Variants in CEACAM6 observed in about 807,000 individuals in gnomAD.
The protein encoded by CEACAM6 is cell adhesion molecule CEACAM6.
CEACAM6 carries 21 observed loss-of-function variants against 32.4 expected under a neutral mutation model. The ratio of observed to expected loss-of-function variants is 0.65; its 90% CI spans 0.46 to 0.93. The LOEUF (loss-of-function observed/expected upper bound fraction) is 0.93, where lower values mean the gene tolerates loss of function less well. CEACAM6 is among the 40% of genes least tolerant of loss of function. CEACAM6 has a pLI of 0.00. For synonymous variants in CEACAM6, 184 were observed against 174.4 expected (o/e 1.06, Z -0.43); for missense variants, 406 against 432.2 (o/e 0.94, Z 0.54).
At chr19:41,757,056 A>C (rs1555821240) in intron 2 of CEACAM6, 97 bp downstream of exon 2, 1 of 1,523,468 alleles carries the variant, frequency 6.6e-7, no homozygotes, top group African/African-American at 1.4e-5. Flanking sequence ...CCCTCTCTGC[A>C]TTACATCCTG....
At chr19:41,761,719 G>A (rs1439099390) in intron 3 of CEACAM6, among the ~76,000 whole-genome samples, 192 bp downstream of exon 3, 1 of 152,200 alleles carries the variant, frequency 6.6e-6, no homozygotes, top group East Asian at 1.9e-4. Flanking sequence ...TGTCTCCTGT[G>A]CTACTTCTGC....
intron 2 of CEACAM6, among the ~76,000 whole-genome samples, chr19:41,760,864 C>T (rs2072918478): frequency 6.6e-6 from 1 of 151,914 alleles, no homozygotes; most frequent in South Asian, 2.1e-4. Context: ...GCTAGGGGGG[C>T]AAAGTAGGAC....
At chr19:41,759,132 G>T (rs1487229865) in intron 2 of CEACAM6, among the ~76,000 whole-genome samples, 1 of 152,208 alleles carries the variant, frequency 6.6e-6, no homozygotes, top group Non-Finnish European at 1.5e-5. Context: ...ACATCCTCCA[G>T]TCATTCCCCA....
chr19:41,767,008 A>AG (rs1164130741), intron 5 of CEACAM6, among the ~76,000 whole-genome samples: 3 of 149,932 alleles, frequency 2.0e-5, no homozygotes, highest in Non-Finnish European at 3.0e-5. Context: ...TCCGTCTCAA[A>AG]AAAAAAAAAA....
At chr19:41,770,674 C>G (rs1164985180) in intron 5 of CEACAM6, 128 bp from the exon 6 acceptor site, 1 of 152,116 alleles carries the variant, frequency 6.6e-6, no homozygotes, top group African/African-American at 2.4e-5. Context: ...ATATGTCTTA[C>G]TGGGATTATC....
rs143835773 is a variant in CEACAM6, at chr19:41,756,923, G to C, written c.388G>C (p.Val130Leu). The C allele has an allele frequency of 3.8e-5, 61 of 1,613,028 alleles. No individual in the cohort carries two copies. Among genetic ancestry groups the C allele is most frequent in the Non-Finnish European group, 4.7e-5 (55 of 1,179,440 alleles). The change falls in exon 2 of 6, where the codon GTG (valine) becomes CTG (leucine). Residue 130 changes from valine (V) to leucine (L), a missense_variant. Transcript: ENST00000199764. ...CCTACAAGTCATAAAGTCAGATCTT[G>C]TGAATGAAGAAGCAACCGGACAGTT... ...YTLQVIKSDL[V>L]NEEATGQFHV...
At chr19:41,760,945 G>T (rs368060699) in intron 2 of CEACAM6, among the ~76,000 whole-genome samples, 5 of 152,206 alleles carry the variant, frequency 3.3e-5, no homozygotes, top group Non-Finnish European at 5.9e-5. Context: ...CAGGCAGCTG[G>T]TCAGGGAGAA....
At chr19:41,761,583 A>T in intron 3 of CEACAM6, 56 bp downstream of exon 3, 1 of 1,601,028 alleles carries the variant, frequency 6.2e-7, no homozygotes, top group Non-Finnish European at 8.5e-7. Context: ...CCACACAGCC[A>T]GAGTCCAGGT....
intron 4 of CEACAM6, among the ~76,000 whole-genome samples, chr19:41,765,662 G>T (rs117875851): frequency 0.023 from 3,486 of 152,282 alleles, 58 homozygotes; most frequent in Non-Finnish European, 0.034. Flanking sequence ...CCCCAAGACC[G>T]ATGGGGAGTC....
chr19:41,761,230 C>A lies in CEACAM6; in HGVS notation c.425-19C>A, dbSNP rs1372757158. 1.2e-6 allele frequency: 2 copies of A among 1,614,052 alleles called. No homozygotes were observed. Among genetic ancestry groups the A allele is most frequent in the East Asian group, 4.5e-5 (2 of 44,898 alleles). ...CAAAGGTGCCACACAGGGCAATCTT[C>A]TCTCTGTTTTCTGCACAGCGGAGCT... On this transcript the variant is annotated intron_variant, in intron 2 of 5. Coordinates refer to ENST00000199764, the MANE Select transcript of CEACAM6 (RefSeq NM_002483.7).
At chr19:41,759,854 C>T (rs781798563) in intron 2 of CEACAM6, among the ~76,000 whole-genome samples, 4 of 152,142 alleles carry the variant, frequency 2.6e-5, no homozygotes, top group Non-Finnish European at 4.4e-5. Flanking sequence ...GGTCAAGCAT[C>T]CCACATCCAA....
rs147402597 is a variant in CEACAM6, at chr19:41,761,299, G to C, written c.475G>C (p.Asp159His). ...ISSNNSNPVE[D>H]KDAVAFTCEP... The stretch of plus-strand genomic sequence containing the variant: ...CAGCAACAACTCCAACCCCGTGGAG[G>C]ACAAGGATGCTGTGGCCTTCACCTG... Residue 159 changes from aspartate to histidine, a missense_variant, in exon 3 of 6, where the codon GAC becomes CAC. Transcript: ENST00000199764. 1,290 of 1,614,046 alleles carry C rather than the reference G, an allele frequency of 8.0e-4. No homozygotes were observed. Among genetic ancestry groups the C allele is most frequent in the Non-Finnish European group, 1.0e-3 (1,202 of 1,180,030 alleles).
intron 2 of CEACAM6, among the ~76,000 whole-genome samples, chr19:41,758,500 T>C (rs2072902959): frequency 6.6e-6 from 1 of 152,124 alleles, no homozygotes; most frequent in Non-Finnish European, 1.5e-5. Flanking sequence ...TGAACCCCTG[T>C]CCCTAAACCT....
At chr19:41,766,153 C>T (rs373064101) in intron 4 of CEACAM6, 30 bp from the exon 5 acceptor site, 12 of 1,541,030 alleles carry the variant, frequency 7.8e-6, no homozygotes, top group Non-Finnish European at 9.7e-6. Flanking sequence ...AATAACATCA[C>T]CTTCATTCCT....
chr19:41,770,201 G>C (rs980146363), intron 5 of CEACAM6, among the ~76,000 whole-genome samples: 5 of 149,664 alleles, frequency 3.3e-5, no homozygotes, highest in Admixed American at 2.7e-4. Context: ...CATGAGATCA[G>C]GAGTTCAAGA....
chr19:41,758,816 G>A (rs1193465329), intron 2 of CEACAM6, among the ~76,000 whole-genome samples: 1 of 152,114 alleles, frequency 6.6e-6, no homozygotes. Context: ...CTGTGTCCTG[G>A]CCCACATCCC....
rs2072998297 is a variant in CEACAM6 at position 41,772,170 on chromosome 19, T to C, written c.*1409T>C. 1 of 152,246 alleles carries C rather than the reference T, an allele frequency of 6.6e-6. No homozygotes were observed. Among genetic ancestry groups the C allele is most frequent in the African/African-American group, 2.4e-5 (1 of 41,458 alleles). The allele number at this position is 152,246 out of a possible 1,614,324, so 9.4% of individuals were successfully genotyped here. A position where few individuals can be genotyped will look rare whatever the true frequency, so the allele number is the denominator to read the frequency against. ...TACTTGTAGAGTGGTGCTGCTTTAA[T>C]TCATAAATCACAAATAAAAGCCAAT... is the stretch of plus-strand genomic sequence containing the variant. On this transcript the variant is annotated 3_prime_UTR_variant, in exon 6 of 6. Coordinates refer to ENST00000199764, the MANE Select transcript of CEACAM6 (RefSeq NM_002483.7).
rs150279040 is a variant in CEACAM6 at position 41,761,250 on chromosome 19, G to A, written c.426G>A (p.Pro142=). The A allele has an allele frequency of 1.1e-4, 185 of 1,614,164 alleles. 1 individual carries two copies. The highest frequency in any genetic ancestry group is 6.7e-4 in the African/African-American group (50 of 75,040). ...EEATGQFHVY[P]ELPKPSISSN... ...ATCTTCTCTCTGTTTTCTGCACAGCGGAGCTGCCCAAGCCCTCCATCTCCA... is the reference window on the plus strand; with the variant it reads ...ATCTTCTCTCTGTTTTCTGCACAGCAGAGCTGCCCAAGCCCTCCATCTCCA... The change falls in exon 3 of 6, where the codon CCG becomes CCA. Residue 142 remains proline, a splice_region_variant and synonymous_variant. Coordinates refer to ENST00000199764, the MANE Select transcript of CEACAM6 (RefSeq NM_002483.7).
intron 4 of CEACAM6, 28 bp downstream of exon 4, chr19:41,762,251 C>G (rs1555822007): frequency 1.9e-6 from 3 of 1,601,144 alleles, no homozygotes; most frequent in Non-Finnish European, 2.6e-6. Context: ...GCACTAGCAT[C>G]ACATTTTCAG....
Sources: gnomAD v4.1 joint callset for allele counts (sites outside exome capture counted in the v4.1 genomes callset) on GRCh38, gnomAD v4.1.1 for gene constraint, MANE v1.5 for transcripts, NCBI Gene and HGNC (gene_info 2026-07-23, HGNC 2026-07-21) for gene names.